Variants in NALCN observed in about 807,000 individuals in gnomAD.
NALCN encodes the protein sodium leak channel, non-selective, also known as sodium leak channel NALCN.
NALCN carries 111 observed loss-of-function variants against 225.3 expected under a neutral mutation model. The ratio of observed to expected loss-of-function variants is 0.49; its 90% CI spans 0.42 to 0.58. The LOEUF is 0.58. Among genes scored for constraint, NALCN ranks in the 20% least tolerant of loss-of-function variants. The pLI is 0.00. For missense variants in NALCN, 1,378 were observed against 2,202.4 expected, an observed-to-expected ratio of 0.63 and a Z score of 7.49; for synonymous variants, 764 against 769.0, an observed-to-expected ratio of 0.99 and a Z score of 0.11.
At chr13:101,281,088 C>T (rs575079945) in intron 10 of NALCN, among the ~76,000 whole-genome samples, 1 of 152,150 alleles carries the variant, frequency 6.6e-6, no homozygotes, top group East Asian at 1.9e-4. Context: ...ACCATGTTGG[C>T]CAGGCTGGTC....
chr13:101,336,648 G>A (rs2045387240), intron 7 of NALCN, among the ~76,000 whole-genome samples: 1 of 152,102 alleles, frequency 6.6e-6, no homozygotes, highest in East Asian at 1.9e-4. Context: ...ATATAGAAAA[G>A]CTTTATAATT....
intron 18 of NALCN, among the ~76,000 whole-genome samples, chr13:101,118,407 A>T (rs773001339): frequency 3.3e-5 from 5 of 152,182 alleles, no homozygotes; most frequent in Non-Finnish European, 7.3e-5. Context: ...ACCGCAAATC[A>T]GGTACTATCT....
chr13:101,372,415 A>C (rs1463102923), intron 6 of NALCN, among the ~76,000 whole-genome samples: 1 of 152,184 alleles, frequency 6.6e-6, no homozygotes, highest in Admixed American at 6.5e-5. Flanking sequence ...TCAAATTCTC[A>C]TGGAATTTTC....
intron 7 of NALCN, among the ~76,000 whole-genome samples, chr13:101,299,421 G>GTTTT (rs201914575): frequency 3.5e-4 from 52 of 150,710 alleles, no homozygotes; most frequent in African/African-American, 1.2e-3. Context: ...CACACACAGG[G>GTTTT]TTTTTTTTGT....
chr13:101,231,266 A>G (rs2041336081), intron 12 of NALCN, among the ~76,000 whole-genome samples: 1 of 152,184 alleles, frequency 6.6e-6, no homozygotes, highest in Non-Finnish European at 1.5e-5. Flanking sequence ...TTTGCAAAAA[A>G]AAATAAGTAA....
chr13:101,319,652 A>T (rs904127895), intron 7 of NALCN, among the ~76,000 whole-genome samples: 5 of 152,194 alleles, frequency 3.3e-5, no homozygotes, highest in African/African-American at 1.2e-4. Context: ...TATGATGAGA[A>T]AAAAAGGTAA....
At chr13:101,393,136 C>A (rs932601440) in intron 3 of NALCN, among the ~76,000 whole-genome samples, 1 of 152,140 alleles carries the variant, frequency 6.6e-6, no homozygotes, top group African/African-American at 2.4e-5. Context: ...ACGGCTGATA[C>A]TTCTAACACA....
intron 14 of NALCN, among the ~76,000 whole-genome samples, chr13:101,186,747 T>C (rs1003059477): frequency 3.9e-5 from 6 of 152,196 alleles, no homozygotes; most frequent in Non-Finnish European, 8.8e-5. Context: ...CAGTTTCTCA[T>C]ATAAATCTGA....
Position 101,054,238 on chromosome 13 carries a change from C to T in NALCN, c.*1057G>A, listed in dbSNP as rs1027844225. Reference sequence around the variant, plus strand: ...AAGGAAAAAAAACAAAAACAAAAAACGATTAAGTAAGTTGTGTGATCCCTA... The same window carrying T: ...AAGGAAAAAAAACAAAAACAAAAAATGATTAAGTAAGTTGTGTGATCCCTA... On this transcript the variant is annotated 3_prime_UTR_variant, in exon 44 of 44. Coordinates refer to ENST00000251127, the MANE Select transcript of NALCN (RefSeq NM_052867.4). 6 of 152,094 alleles carry T rather than the reference C, an allele frequency of 3.9e-5. No homozygotes were observed. Among genetic ancestry groups the T allele is most frequent in the African/African-American group, 1.4e-4 (6 of 41,402 alleles). The allele number at this position is 152,094 out of a possible 1,614,324, so 9.4% of individuals were successfully genotyped here.
chr13:101,359,080 G>A (rs907946806), intron 6 of NALCN, among the ~76,000 whole-genome samples: 3 of 152,190 alleles, frequency 2.0e-5, no homozygotes, highest in Admixed American at 6.5e-5. Context: ...TAATGCATGC[G>A]GGGCTGAAAA....
At chr13:101,166,358 A>T (rs2038438869) in intron 15 of NALCN, among the ~76,000 whole-genome samples, 1 of 151,620 alleles carries the variant, frequency 6.6e-6, no homozygotes, top group Non-Finnish European at 1.5e-5. Context: ...TTACATTCTC[A>T]TCAACAAAGT....
intron 14 of NALCN, among the ~76,000 whole-genome samples, chr13:101,182,501 G>A (rs2039281251): frequency 6.6e-6 from 1 of 152,186 alleles, no homozygotes; most frequent in African/African-American, 2.4e-5. Flanking sequence ...ATTTTATTCA[G>A]CAAATATCTT....
At chr13:101,341,308 G>T (rs1176755879) in intron 7 of NALCN, among the ~76,000 whole-genome samples, 1 of 152,128 alleles carries the variant, frequency 6.6e-6, no homozygotes, top group Non-Finnish European at 1.5e-5. Flanking sequence ...GAAAGAGCTT[G>T]ACCCATTCTT....
intron 15 of NALCN, among the ~76,000 whole-genome samples, chr13:101,145,417 A>T (rs937037644): frequency 6.6e-6 from 1 of 152,196 alleles, no homozygotes; most frequent in Non-Finnish European, 1.5e-5. Flanking sequence ...CAAATACCAC[A>T]TTTGGTCCAT....
chr13:101,307,973 T>C (rs1018688479), intron 7 of NALCN, among the ~76,000 whole-genome samples: 7 of 152,234 alleles, frequency 4.6e-5, no homozygotes, highest in African/African-American at 1.7e-4. Context: ...TTTGGGTGTA[T>C]TGGGTGTACC....
At chr13:101,377,463 G>C (rs894803168) in intron 4 of NALCN, among the ~76,000 whole-genome samples, 5 of 151,952 alleles carry the variant, frequency 3.3e-5, no homozygotes, top group African/African-American at 1.2e-4. Context: ...TTACTAACAG[G>C]CAAAATAATA....
intron 14 of NALCN, chr13:101,181,182 G>A (rs752270456): frequency 1.2e-4 from 62 of 518,740 alleles, no homozygotes; most frequent in South Asian, 8.4e-4. Context: ...TTTTGGAAAA[G>A]AGCTGTGAGG....
rs112175149 is a variant in NALCN, at chr13:101,211,001, C to T, written c.1626+18392G>A. On this transcript the variant is annotated intron_variant, in intron 13 of 43. Transcript: ENST00000251127. ...CCTGTTTTGTTGTTCAAAATTCCAC[C>T]GACATTCTTTATGCAGTAGAGCTAA... Among the ~76,000 whole-genome samples the T allele has an allele frequency of 2.3e-3, 354 of 152,042 alleles. 2 individuals are homozygous for T. The highest frequency in any genetic ancestry group is 7.3e-3 in the African/African-American group (301 of 41,452).
chr13:101,214,928 C>T (rs767515788), intron 13 of NALCN, among the ~76,000 whole-genome samples: 1 of 152,148 alleles, frequency 6.6e-6, no homozygotes, highest in Non-Finnish European at 1.5e-5. Context: ...CGTTATGACA[C>T]AGCTGGCATA....
Sources: allele counts gnomAD v4.1 joint callset (sites outside exome capture counted in the v4.1 genomes callset), GRCh38; gene constraint gnomAD v4.1.1; transcripts MANE v1.5; gene names NCBI Gene and HGNC (gene_info 2026-07-23, HGNC 2026-07-21).